Variants in PITPNC1 observed in about 807,000 individuals in gnomAD.
PITPNC1 encodes cytoplasmic phosphatidylinositol transfer protein 1.
PITPNC1 carries 18 observed loss-of-function variants against 44.7 expected under a neutral mutation model. The observed-to-expected ratio is 0.40, with a 90% CI of 0.28 to 0.60. The LOEUF (loss-of-function observed/expected upper bound fraction) is 0.60. PITPNC1 is among the 20% of genes least tolerant of loss of function. The pLI, the probability that PITPNC1 is intolerant of heterozygous loss-of-function variation, is 0.39. For missense variants in PITPNC1, 290 were observed against 418.4 expected, an observed-to-expected ratio of 0.69 and a Z score of 2.68; for synonymous variants, 141 against 149.6, an observed-to-expected ratio of 0.94 and a Z score of 0.42.
At chr17:67,381,037 T>C (rs2037950463) in intron 1 of PITPNC1, among the ~76,000 whole-genome samples, 1 of 152,084 alleles carries the variant, frequency 6.6e-6, no homozygotes, top group Non-Finnish European at 1.5e-5. Flanking sequence ...CCTTTTAAAG[T>C]GCTGGGATTG....
At position 67,669,174 on chromosome 17, in the gene PITPNC1, T is replaced by C. The variant is rs367832316; in HGVS notation, c.463-334T>C. Among the ~76,000 whole-genome samples, 5 of 152,328 alleles carry C rather than the reference T, an allele frequency of 3.3e-5. No individual in the cohort carries two copies. In the East Asian group the frequency reaches 5.8e-4, roughly 18 times the overall value. On this transcript the variant is annotated intron_variant, in intron 6 of 8. Transcript: ENST00000581322. ...TAGGCTAGAGTGCAATGGCGCAATC[T>C]TGGCTCACCACAACCTCTGCCTCTC...
intron 1 of PITPNC1, among the ~76,000 whole-genome samples, chr17:67,396,432 C>A (rs966472154): frequency 6.7e-6 from 1 of 149,928 alleles, no homozygotes; most frequent in East Asian, 2.0e-4. Context: ...AGTGCAGTGG[C>A]GTGATCTCAG....
intron 1 of PITPNC1, among the ~76,000 whole-genome samples, chr17:67,387,060 C>G (rs2038065195): frequency 6.6e-6 from 1 of 152,178 alleles, no homozygotes; most frequent in Non-Finnish European, 1.5e-5. Flanking sequence ...GAAAAATAAT[C>G]TTGGAAACTT....
At chr17:67,509,483 G>C (rs2040151261) in intron 1 of PITPNC1, among the ~76,000 whole-genome samples, 1 of 151,896 alleles carries the variant, frequency 6.6e-6, no homozygotes, top group Non-Finnish European at 1.5e-5. Flanking sequence ...GTTGCAGTGA[G>C]CCGAGATTGC....
intron 1 of PITPNC1, among the ~76,000 whole-genome samples, chr17:67,408,024 C>T (rs910346891): frequency 2.0e-5 from 3 of 151,718 alleles, no homozygotes; most frequent in Non-Finnish European, 2.9e-5. Context: ...GGGGCAATCT[C>T]GATTGAACGC....
intron 7 of PITPNC1, among the ~76,000 whole-genome samples, 182 bp downstream of exon 7, chr17:67,669,845 G>A (rs1270832944): frequency 6.6e-6 from 1 of 152,180 alleles, no homozygotes; most frequent in Non-Finnish European, 1.5e-5. Flanking sequence ...GCCGAGGCGG[G>A]TAGATCACTT....
At chr17:67,417,039 C>G (rs1480727511) in intron 1 of PITPNC1, among the ~76,000 whole-genome samples, 3 of 152,054 alleles carry the variant, frequency 2.0e-5, no homozygotes, top group African/African-American at 7.2e-5. Flanking sequence ...CTCAAAAACT[C>G]CCGACCTCAG....
intron 1 of PITPNC1, among the ~76,000 whole-genome samples, chr17:67,404,105 T>C (rs1366553092): frequency 2.0e-5 from 3 of 152,294 alleles, no homozygotes; most frequent in Non-Finnish European, 4.4e-5. Context: ...CAAAGAGAAG[T>C]TGATGTTAAT....
intron 8 of PITPNC1, among the ~76,000 whole-genome samples, chr17:67,677,311 C>T (rs558543231): frequency 6.6e-6 from 1 of 152,200 alleles, no homozygotes. Flanking sequence ...GGCCAAAAAT[C>T]TGCCACTTTG....
intron 5 of PITPNC1, among the ~76,000 whole-genome samples, chr17:67,615,149 G>A (rs2041741982): frequency 6.6e-6 from 1 of 152,190 alleles, no homozygotes; most frequent in African/African-American, 2.4e-5. Context: ...TCAGCCAGGA[G>A]GCCTTGCGTA....
chr17:67,479,023 C>A (rs1204750238), intron 1 of PITPNC1, among the ~76,000 whole-genome samples: 1 of 152,032 alleles, frequency 6.6e-6, no homozygotes, highest in Non-Finnish European at 1.5e-5. Flanking sequence ...GTCAAGCAAT[C>A]ATTACTGAGC....
chr17:67,450,662 A>C (rs1796812103), intron 1 of PITPNC1, among the ~76,000 whole-genome samples: 1 of 152,084 alleles, frequency 6.6e-6, no homozygotes, highest in South Asian at 2.1e-4. Context: ...CCTGGGCTCA[A>C]GTGATCCACC....
intron 7 of PITPNC1, among the ~76,000 whole-genome samples, chr17:67,673,966 CAAAAAAAA>C (rs34458518): frequency 1.2e-5 from 1 of 84,884 alleles, no homozygotes; most frequent in Non-Finnish European, 2.2e-5. Context: ...GACTCCGTCT[CAAAAAAAA>C]AAAAAAAAAA....
At chr17:67,467,397 G>C (rs1009283638) in intron 1 of PITPNC1, among the ~76,000 whole-genome samples, 1 of 152,092 alleles carries the variant, frequency 6.6e-6, no homozygotes, top group Non-Finnish European at 1.5e-5. Context: ...TCAGATACAA[G>C]GTTCAGGGAG....
chr17:67,474,591 C>T (rs1475271697), intron 1 of PITPNC1, among the ~76,000 whole-genome samples: 1 of 152,108 alleles, frequency 6.6e-6, no homozygotes, highest in Non-Finnish European at 1.5e-5. Flanking sequence ...GGAGCAAAAT[C>T]GCCCCATGCT....
intron 1 of PITPNC1, among the ~76,000 whole-genome samples, chr17:67,391,604 C>T (rs1473939657): frequency 6.6e-6 from 1 of 152,064 alleles, no homozygotes; most frequent in African/African-American, 2.4e-5. Context: ...CCTCAGCATC[C>T]CAAGTAGCTG....
At chr17:67,585,373 A>G (rs1309571830) in intron 5 of PITPNC1, among the ~76,000 whole-genome samples, 3 of 152,124 alleles carry the variant, frequency 2.0e-5, no homozygotes, top group African/African-American at 7.2e-5. Context: ...CCAGGTTCAT[A>G]CGTGGAAGCT....
rs575895779 is a variant in PITPNC1 at position 67,555,364 on chromosome 17, G to A, written c.294+1747G>A. On this transcript the variant is annotated intron_variant, in intron 4 of 8. Transcript: ENST00000581322. ...AGATAGTATGTAAACAAATTAGCAT[G>A]GTCATATATGCCCAGGCAGCGGGTC... 2.0e-5 allele frequency among the ~76,000 whole-genome samples: 3 copies of A among 152,234 alleles called. No individual in the cohort carries two copies. In the South Asian group the frequency reaches 6.2e-4, roughly 32 times the overall value.
At chr17:67,472,061 G>A (rs1436095379) in intron 1 of PITPNC1, among the ~76,000 whole-genome samples, 1 of 151,790 alleles carries the variant, frequency 6.6e-6, no homozygotes, top group East Asian at 1.9e-4. Context: ...TTGGGGTTTG[G>A]GGAAAGAATA....
Sources: gnomAD v4.1 joint callset for allele counts (sites outside exome capture counted in the v4.1 genomes callset) on GRCh38, gnomAD v4.1.1 for gene constraint, MANE v1.5 for transcripts, NCBI Gene and HGNC (gene_info 2026-07-23, HGNC 2026-07-21) for gene names.